Variants in LAMA2 observed in about 807,000 individuals in gnomAD.
LAMA2 encodes the protein laminin subunit alpha-2.
Under a neutral mutation model 364.8 loss-of-function variants are expected in LAMA2, and 269 were observed. That is an observed-to-expected ratio of 0.74 (90% confidence interval 0.67 to 0.82). The LOEUF (loss-of-function observed/expected upper bound fraction) is 0.82. Ranked by LOEUF, LAMA2 falls within the 40% of genes least tolerant of loss-of-function variation. The pLI is 0.00. For synonymous variants in LAMA2, 1,379 were observed against 1,370.6 expected, an observed-to-expected ratio of 1.01 and a Z score of -0.14; for missense variants, 3,807 against 3,873.2, an observed-to-expected ratio of 0.98 and a Z score of 0.45.
intron 29 of LAMA2, among the ~76,000 whole-genome samples, chr6:129,332,457 T>C (rs1472057): frequency 0.66 from 99,645 of 151,958 alleles, 34,070 homozygotes; most frequent in Non-Finnish European, 0.77. Context: ...ATTAACTAGA[T>C]GCTCTTACAT....
intron 12 of LAMA2, among the ~76,000 whole-genome samples, chr6:129,246,351 G>A (rs1785748941): frequency 1.3e-5 from 2 of 152,178 alleles, no homozygotes; most frequent in African/African-American, 2.4e-5. Context: ...GTGGAATATA[G>A]CATGTTCTAA....
At chr6:129,252,636 C>T (rs572938358) in intron 14 of LAMA2, among the ~76,000 whole-genome samples, 1 of 152,178 alleles carries the variant, frequency 6.6e-6, no homozygotes, top group South Asian at 2.1e-4. Flanking sequence ...ATATAAATTC[C>T]AGGGCACCCC....
intron 1 of LAMA2, among the ~76,000 whole-genome samples, chr6:128,965,944 G>A (rs1367055258): frequency 6.9e-6 from 1 of 144,990 alleles, no homozygotes; most frequent in Non-Finnish European, 1.5e-5. Flanking sequence ...TTGAAATATA[G>A]CTTGCTCTTT....
chr6:128,941,635 A>T (rs958807961), intron 1 of LAMA2, among the ~76,000 whole-genome samples: 1 of 151,638 alleles, frequency 6.6e-6, no homozygotes, highest in Admixed American at 6.5e-5. Context: ...CAAAAAAAAT[A>T]AATGACATTC....
intron 12 of LAMA2, among the ~76,000 whole-genome samples, chr6:129,193,934 A>G (rs888390215): frequency 6.6e-6 from 1 of 152,198 alleles, no homozygotes; most frequent in African/African-American, 2.4e-5. Flanking sequence ...TATATTTAAC[A>G]GAACTCTGAA....
intron 17 of LAMA2, among the ~76,000 whole-genome samples, chr6:129,273,383 A>G (rs1788077594): frequency 6.6e-6 from 1 of 152,178 alleles, no homozygotes; most frequent in Non-Finnish European, 1.5e-5. Context: ...TTCTCAGCCA[A>G]GATGTCATGA....
intron 51 of LAMA2, among the ~76,000 whole-genome samples, chr6:129,469,979 A>G (rs746603765): frequency 1.6e-4 from 25 of 151,840 alleles, no homozygotes; most frequent in Non-Finnish European, 4.4e-5. Flanking sequence ...ATTACAAATG[A>G]GCATAAAGAA....
intron 4 of LAMA2, among the ~76,000 whole-genome samples, chr6:129,118,132 G>A (rs375815641): frequency 3.3e-5 from 5 of 152,140 alleles, no homozygotes; most frequent in African/African-American, 9.7e-5. Context: ...TGATCAGCAA[G>A]ATAAAATGAA....
Position 129,512,361 on chromosome 6 carries a change from A to AGTT in LAMA2, c.8858_8860dup. ...AAATATTTTAAAATCTTCATTTTACAGTTGGTGGATTCAAAGTGGGATTGG... is the reference window on the plus strand; with the variant it reads ...AAATATTTTAAAATCTTCATTTTACAGTTGTTGGTGGATTCAAAGTGGGATTGG... On this transcript the variant is annotated splice_acceptor_variant, in intron 62 of 64. Transcript: ENST00000421865. LOFTEE classifies it high-confidence loss of function. 2 of 1,613,074 alleles carry AGTT rather than the reference A, an allele frequency of 1.2e-6. No homozygotes were observed. The highest frequency in any genetic ancestry group is 1.7e-6 in the Non-Finnish European group (2 of 1,179,210).
Position 128,883,161 on chromosome 6 carries a change from G to GC in LAMA2, c.-84dup. The GC allele has an allele frequency of 7.5e-7, 1 of 1,330,068 alleles. No individual in the cohort carries two copies. Among genetic ancestry groups the GC allele is most frequent in the Non-Finnish European group, 1.0e-6 (1 of 958,562 alleles). The allele number at this position is 1,330,068 out of a possible 1,614,324, so 82.4% of individuals were successfully genotyped here. On this transcript the variant is annotated 5_prime_UTR_variant, in exon 1 of 65. Coordinates refer to ENST00000421865, the MANE Select transcript of LAMA2 (RefSeq NM_000426.4). The stretch of plus-strand genomic sequence containing the variant: ...TCCTCTTCCCCAGCAGCTGCTGCTC[G>GC]CTCAGCTCACAAGCCAAGGCCAGGG...
chr6:129,153,759 AGTT>A (rs1293732439), intron 7 of LAMA2, among the ~76,000 whole-genome samples: 4 of 152,192 alleles, frequency 2.6e-5, no homozygotes, highest in East Asian at 3.8e-4. Flanking sequence ...CCTATGTTTT[AGTT>A]GTTATTAGTA....
chr6:129,345,756 GA>G (rs1194017837), intron 30 of LAMA2, among the ~76,000 whole-genome samples: 1 of 151,796 alleles, frequency 6.6e-6, no homozygotes, highest in Admixed American at 6.6e-5. Flanking sequence ...TACATTTTTA[GA>G]AAAAAAATTT....
intron 8 of LAMA2, among the ~76,000 whole-genome samples, chr6:129,161,823 G>T (rs1779455467): frequency 6.6e-6 from 1 of 152,098 alleles, no homozygotes. Context: ...TGCTTCAAAG[G>T]ACATGATTTT....
intron 3 of LAMA2, among the ~76,000 whole-genome samples, chr6:129,085,171 T>C (rs764629557): frequency 2.0e-5 from 3 of 152,214 alleles, no homozygotes; most frequent in Non-Finnish European, 4.4e-5. Flanking sequence ...TGCTTCTAGA[T>C]TTTGTGATTA....
intron 1 of LAMA2, among the ~76,000 whole-genome samples, chr6:128,957,836 ATTTTTT>A (rs10652900): frequency 0.022 from 1,111 of 51,306 alleles, 24 homozygotes; most frequent in African/African-American, 0.078. Flanking sequence ...TACTTCATGC[ATTTTTT>A]TTTTTTTTTT....
At chr6:129,221,352 T>C (rs1198814374) in intron 12 of LAMA2, among the ~76,000 whole-genome samples, 3 of 142,654 alleles carry the variant, frequency 2.1e-5, no homozygotes, top group Non-Finnish European at 4.6e-5. Context: ...GTATCAAGCA[T>C]ATGTAAAGAC....
At chr6:129,334,797 C>T (rs1364162831) in intron 29 of LAMA2, among the ~76,000 whole-genome samples, 1 of 152,120 alleles carries the variant, frequency 6.6e-6, no homozygotes, top group East Asian at 1.9e-4. Context: ...TGTTGGAAGG[C>T]ACTAGATAGC....
At chr6:129,242,307 G>A (rs1039293533) in intron 12 of LAMA2, among the ~76,000 whole-genome samples, 1 of 152,054 alleles carries the variant, frequency 6.6e-6, no homozygotes, top group African/African-American at 2.4e-5. Flanking sequence ...AAAGAAAATT[G>A]CATTGCTGAT....
intron 1 of LAMA2, among the ~76,000 whole-genome samples, chr6:128,902,649 T>G (rs981876208): frequency 6.6e-6 from 1 of 152,128 alleles, no homozygotes; most frequent in East Asian, 1.9e-4. Flanking sequence ...GTATCAAAAG[T>G]AGGGTGCGCT....
Sources: allele counts gnomAD v4.1 joint callset (sites outside exome capture counted in the v4.1 genomes callset), GRCh38; gene constraint gnomAD v4.1.1; transcripts MANE v1.5; gene names NCBI Gene and HGNC (gene_info 2026-07-23, HGNC 2026-07-21).